The following SOBP variants were observed in gnomAD, a reference collection of about 807,000 sequenced individuals.
SOBP encodes the protein sine oculis-binding protein homolog.
Under a neutral mutation model 53.6 loss-of-function variants are expected in SOBP, and 4 were observed. That is an observed-to-expected ratio of 0.07 (90% CI 0.04 to 0.17). The LOEUF (loss-of-function observed/expected upper bound fraction) is 0.17, where lower values mean the gene tolerates loss of function less well. Among genes scored for constraint, SOBP ranks in the 10% least tolerant of loss-of-function variants. The probability of loss-of-function intolerance (pLI) is 1.00; values close to 1 mark genes in which losing one functional copy is unlikely to be tolerated. For synonymous variants in SOBP, 584 were observed against 522.6 expected (o/e 1.12, Z -1.60); for missense variants, 1,088 against 1,204.7 (o/e 0.90, Z 1.43).
At chr6:107,556,258 G>T (rs1184894792) in intron 4 of SOBP, among the ~76,000 whole-genome samples, 1 of 152,216 alleles carries the variant, frequency 6.6e-6, no homozygotes, top group Non-Finnish European at 1.5e-5. Context: ...GGTTTGTCAT[G>T]TGTAAAAAGC....
At position 107,633,753 on chromosome 6, in the gene SOBP, G is replaced by C; in HGVS notation, c.909G>C (p.Pro303=). 6.2e-7 allele frequency: 1 copy of C among 1,614,208 alleles called. No homozygotes were observed. Among genetic ancestry groups the C allele is most frequent in the Non-Finnish European group, 8.5e-7 (1 of 1,180,032 alleles). ...TCACTCCAGACTCTTGGAATATCCC[G>C]CTAACAGATGCTCGGAGGAAGGCCC... ...QLLTPDSWNI[P]LTDARRKAPS... The change falls in exon 6 of 7, where the codon CCG becomes CCC. Residue 303 remains proline, a synonymous_variant. Transcript: ENST00000317357.
At chr6:107,624,501 C>A (rs548708550) in intron 5 of SOBP, among the ~76,000 whole-genome samples, 1 of 152,326 alleles carries the variant, frequency 6.6e-6, no homozygotes, top group African/African-American at 2.4e-5. Context: ...AGGAGTTGAT[C>A]TGTGCTGGGA....
chr6:107,513,020 A>C (rs1783215331), intron 3 of SOBP, among the ~76,000 whole-genome samples: 1 of 152,240 alleles, frequency 6.6e-6, no homozygotes, highest in South Asian at 2.1e-4. Context: ...AGTCTTGAAT[A>C]AAGTGTCTTT....
chr6:107,505,898 T>C (rs1019493082), intron 2 of SOBP, among the ~76,000 whole-genome samples: 3 of 151,844 alleles, frequency 2.0e-5, no homozygotes, highest in Non-Finnish European at 2.9e-5. Context: ...CAATCCACCC[T>C]CCTTGGCCTC....
chr6:107,516,948 A>C (rs1783338417), intron 3 of SOBP, among the ~76,000 whole-genome samples: 1 of 152,202 alleles, frequency 6.6e-6, no homozygotes, highest in Non-Finnish European at 1.5e-5. Context: ...TCCTAAATTG[A>C]TCTATATATT....
chr6:107,615,298 T>C lies in SOBP; in HGVS notation c.670-18216T>C, dbSNP rs187699718. On this transcript the variant is annotated intron_variant, in intron 5 of 6. Transcript: ENST00000317357. ...TATAATTAGGGTAGGAGTAATGAAA[T>C]AAAATTAAGGAAAGAAAGATTTAGA... Among the ~76,000 whole-genome samples the C allele has an allele frequency of 2.6e-5, 4 of 152,210 alleles. No homozygotes were observed. In the East Asian group the frequency reaches 7.7e-4, roughly 29 times the overall value.
intron 5 of SOBP, among the ~76,000 whole-genome samples, chr6:107,606,536 A>G (rs948766341): frequency 6.6e-6 from 1 of 152,142 alleles, no homozygotes; most frequent in African/African-American, 2.4e-5. Flanking sequence ...GCTTCTAGAT[A>G]TTTGATGTCT....
At chr6:107,526,285 C>A (rs1783660483) in intron 3 of SOBP, among the ~76,000 whole-genome samples, 1 of 152,154 alleles carries the variant, frequency 6.6e-6, no homozygotes, top group South Asian at 2.1e-4. Flanking sequence ...TTGGGAGCTT[C>A]TTATTACCTG....
At chr6:107,535,838 A>G (rs1583184829) in intron 4 of SOBP, among the ~76,000 whole-genome samples, 1 of 152,076 alleles carries the variant, frequency 6.6e-6, no homozygotes, top group Admixed American at 6.6e-5. Flanking sequence ...TGTATTAGAT[A>G]CCAGTCTCCA....
intron 6 of SOBP, among the ~76,000 whole-genome samples, chr6:107,656,266 A>C (rs976902011): frequency 6.6e-6 from 1 of 150,824 alleles, no homozygotes; most frequent in African/African-American, 2.4e-5. Context: ...CTCCATTGTC[A>C]CTTATTCTTG....
chr6:107,654,722 G>T (rs6910055), intron 6 of SOBP, among the ~76,000 whole-genome samples: 11 of 118,564 alleles, frequency 9.3e-5, no homozygotes, highest in African/African-American at 2.9e-4. Flanking sequence ...CACAGTGGAA[G>T]AATCGAGGCT....
intron 6 of SOBP, among the ~76,000 whole-genome samples, chr6:107,638,073 G>C (rs956745377): frequency 6.6e-6 from 1 of 152,090 alleles, no homozygotes; most frequent in Non-Finnish European, 1.5e-5. Flanking sequence ...TTAAGATGGG[G>C]GAAAAACCAC....
chr6:107,652,825 G>A (rs938652201), intron 6 of SOBP, among the ~76,000 whole-genome samples: 8 of 151,554 alleles, frequency 5.3e-5, no homozygotes, highest in Non-Finnish European at 1.2e-4. Context: ...AAAAGGTTAT[G>A]GTTTGCTGAA....
At chr6:107,575,961 A>G (rs1361709073) in intron 4 of SOBP, among the ~76,000 whole-genome samples, 1 of 152,210 alleles carries the variant, frequency 6.6e-6, no homozygotes, top group Non-Finnish European at 1.5e-5. Flanking sequence ...CAAAGACTCC[A>G]GAGAGTGTCG....
Position 107,570,879 on chromosome 6 carries a change from A to G in SOBP, c.574-16201A>G, listed in dbSNP as rs184299958. Among the ~76,000 whole-genome samples, 338 of 152,354 alleles carry G rather than the reference A, an allele frequency of 2.2e-3. 1 individual carries two copies. The highest frequency in any genetic ancestry group is 3.4e-3 in the Middle Eastern group (1 of 294). On this transcript the variant is annotated intron_variant, in intron 4 of 6. Coordinates refer to ENST00000317357, the MANE Select transcript of SOBP (RefSeq NM_018013.4). ...TTACTTGTAAGCTTTCTCCCTCAACATATTAACAAATAACCTTTGGGCCAA... is the reference window on the plus strand; with the variant it reads ...TTACTTGTAAGCTTTCTCCCTCAACGTATTAACAAATAACCTTTGGGCCAA...
intron 6 of SOBP, among the ~76,000 whole-genome samples, chr6:107,655,803 C>T (rs1295035352): frequency 6.6e-6 from 1 of 152,178 alleles, no homozygotes; most frequent in East Asian, 1.9e-4. Context: ...TAGGCTGATG[C>T]TGTCCGTGTT....
At chr6:107,507,043 G>A (rs1232204837) in intron 3 of SOBP, among the ~76,000 whole-genome samples, 2 of 149,490 alleles carry the variant, frequency 1.3e-5, no homozygotes, top group Non-Finnish European at 3.0e-5. Context: ...TCCAACCTGG[G>A]CAACAAGAGC....
chr6:107,642,553 T>C (rs1771376664), intron 6 of SOBP, among the ~76,000 whole-genome samples: 1 of 152,238 alleles, frequency 6.6e-6, no homozygotes, highest in South Asian at 2.1e-4. Context: ...GGTCCAGATG[T>C]ACAGCCCTGA....
intron 5 of SOBP, among the ~76,000 whole-genome samples, chr6:107,601,807 A>T (rs1786187994): frequency 6.6e-6 from 1 of 152,246 alleles, no homozygotes; most frequent in African/African-American, 2.4e-5. Context: ...ATTACTTAAA[A>T]TTTAATGAAT....
Sources: gnomAD v4.1 joint callset for allele counts (sites outside exome capture counted in the v4.1 genomes callset) on GRCh38, gnomAD v4.1.1 for gene constraint, MANE v1.5 for transcripts, NCBI Gene and HGNC (gene_info 2026-07-23, HGNC 2026-07-21) for gene names.